CUL1: variants seen among roughly 807,000 people sequenced by gnomAD.
CUL1 encodes cullin-1.
A neutral mutation model predicts 118.0 loss-of-function variants in CUL1; 24 were observed. The ratio of observed to expected loss-of-function variants is 0.20; its 90% CI spans 0.15 to 0.29. The LOEUF (loss-of-function observed/expected upper bound fraction) is 0.29. CUL1 is among the 10% of genes least tolerant of loss of function. The pLI is 1.00. For missense variants in CUL1, 361 were observed against 933.8 expected (o/e 0.39, Z 7.99); for synonymous variants, 332 against 340.4 (o/e 0.98, Z 0.27).
chr7:148,712,981 C>A (rs530109254), intron 1 of CUL1, among the ~76,000 whole-genome samples: 29 of 152,286 alleles, frequency 1.9e-4, no homozygotes, highest in African/African-American at 6.5e-4. Flanking sequence ...CTGAGTAATA[C>A]TTAACCTTGT....
At chr7:148,724,391 C>T (rs1798492133) in intron 1 of CUL1, among the ~76,000 whole-genome samples, 1 of 152,110 alleles carries the variant, frequency 6.6e-6, no homozygotes, top group Admixed American at 6.5e-5. Context: ...TGTTGTGTTC[C>T]ATTATTTTCC....
chr7:148,728,262 A>G (rs765288947), intron 1 of CUL1, among the ~76,000 whole-genome samples: 6 of 152,080 alleles, frequency 3.9e-5, no homozygotes, highest in Non-Finnish European at 8.8e-5. Flanking sequence ...GCCAGAGTAG[A>G]ACTTTTTTTT....
chr7:148,699,191 CCGGGCCGGGGGACTCGTGGG>C (rs970508576), intron 1 of CUL1, among the ~76,000 whole-genome samples, 162 bp downstream of exon 1: 1 of 151,844 alleles, frequency 6.6e-6, no homozygotes, highest in Admixed American at 6.6e-5. Context: ...AGAATGGCGG[CCGGGCCGGGGGACTCGTGGG>C]CGGAGGACGC....
rs551024279 is a variant in CUL1, at chr7:148,698,944, T to C, written c.-247T>C. 6.5e-6 allele frequency: 1 copy of C among 153,570 alleles called. No homozygotes were observed. Among genetic ancestry groups the C allele is most frequent in the African/African-American group, 2.4e-5 (1 of 41,324 alleles). 9.5% of individuals were successfully genotyped at this position (153,570 alleles called of 1,614,324 possible). On this transcript the variant is annotated 5_prime_UTR_variant, in exon 1 of 22. Transcript: ENST00000325222. ...GTAGCTGAGGGACGCAGCTAGACCT[T>C]GGCGGGACGGGGCTTTCGCCGGGGC... is the stretch of plus-strand genomic sequence containing the variant.
chr7:148,727,189 C>T (rs868662046), intron 1 of CUL1, among the ~76,000 whole-genome samples: 3 of 152,128 alleles, frequency 2.0e-5, no homozygotes, highest in South Asian at 2.1e-4. Flanking sequence ...TTTCGTAAGC[C>T]TGTTTAAACA....
chr7:148,728,216 GAC>G (rs2129459551), intron 1 of CUL1, among the ~76,000 whole-genome samples: 1 of 152,226 alleles, frequency 6.6e-6, no homozygotes, highest in South Asian at 2.1e-4. Context: ...GCCACTCGCT[GAC>G]ACGGACAACA....
At chr7:148,764,476 C>T (rs1309548380) in intron 7 of CUL1, among the ~76,000 whole-genome samples, 1 of 152,226 alleles carries the variant, frequency 6.6e-6, no homozygotes, top group Non-Finnish European at 1.5e-5. Flanking sequence ...CCCCCTCAGC[C>T]CCTGCAGGAA....
chr7:148,709,197 C>G (rs1321322873), intron 1 of CUL1, among the ~76,000 whole-genome samples: 1 of 152,188 alleles, frequency 6.6e-6, no homozygotes, highest in East Asian at 1.9e-4. Flanking sequence ...GCCAAAAATG[C>G]AGAGGAGGAT....
intron 9 of CUL1, among the ~76,000 whole-genome samples, chr7:148,774,125 A>G (rs796436616): frequency 1.3e-5 from 2 of 152,316 alleles, no homozygotes; most frequent in African/African-American, 4.8e-5. Flanking sequence ...TAATTCTCAA[A>G]GTGTGTGCAA....
chr7:148,713,873 G>C (rs900221376), intron 1 of CUL1, among the ~76,000 whole-genome samples: 4 of 152,150 alleles, frequency 2.6e-5, no homozygotes, highest in Admixed American at 6.5e-5. Context: ...ACAGGTGTGT[G>C]CCACCACACC....
chr7:148,775,081 TA>T (rs914921067), intron 9 of CUL1, among the ~76,000 whole-genome samples: 5 of 152,212 alleles, frequency 3.3e-5, no homozygotes, highest in African/African-American at 1.2e-4. Context: ...GAAATAATTA[TA>T]AAAGCCCAGT....
chr7:148,706,495 A>G (rs1184692107), intron 1 of CUL1, among the ~76,000 whole-genome samples: 1 of 152,156 alleles, frequency 6.6e-6, no homozygotes, highest in Admixed American at 6.5e-5. Context: ...TGATGTGTTG[A>G]TGAAAGGCTA....
chr7:148,780,463 G>A (rs775718782), intron 9 of CUL1, among the ~76,000 whole-genome samples: 3 of 152,228 alleles, frequency 2.0e-5, no homozygotes, highest in East Asian at 1.9e-4. Flanking sequence ...TTCATGAGTC[G>A]GAAAGCAGGA....
At chr7:148,799,148 G>A in intron 20 of CUL1, 127 bp from the exon 21 acceptor site, 1 of 647,442 alleles carries the variant, frequency 1.5e-6, no homozygotes. Context: ...CAGGATGTTT[G>A]TTGCCTGTTA....
At chr7:148,753,846 C>T in intron 2 of CUL1, 130 bp from the exon 3 acceptor site, 1 of 649,396 alleles carries the variant, frequency 1.5e-6, no homozygotes, top group Non-Finnish European at 2.5e-6. Context: ...ATCTTTGTTC[C>T]ATTCTAGTTT....
intron 8 of CUL1, among the ~76,000 whole-genome samples, chr7:148,767,374 G>A (rs60744836): frequency 0.032 from 4,891 of 151,440 alleles, 269 homozygotes; most frequent in African/African-American, 0.11. Context: ...CTCACAGTAA[G>A]GGGGAAAATA....
intron 9 of CUL1, among the ~76,000 whole-genome samples, chr7:148,768,495 C>T (rs1800084885): frequency 6.7e-6 from 1 of 150,144 alleles, no homozygotes; most frequent in African/African-American, 2.5e-5. Context: ...AGTGATTCTC[C>T]TGCCTCAGCC....
At chr7:148,734,434 G>A (rs1406123834) in intron 2 of CUL1, among the ~76,000 whole-genome samples, 2 of 152,166 alleles carry the variant, frequency 1.3e-5, no homozygotes, top group East Asian at 1.9e-4. Flanking sequence ...TGTAGATACA[G>A]GGTTTCACCA....
At position 148,786,894 on chromosome 7, in the gene CUL1, A is replaced by G. The variant is rs571820653; in HGVS notation, c.1348-95A>G. 2.7e-6 allele frequency: 4 copies of G among 1,506,748 alleles called. No individual in the cohort carries two copies. The South Asian group carries it at 3.7e-5, about 14-fold the overall frequency. The allele number at this position is 1,506,748 out of a possible 1,614,324, so 93.3% of individuals were successfully genotyped here. A position where few individuals can be genotyped will look rare whatever the true frequency, so the allele number is the denominator to read the frequency against. ...CAGACCTGCCCAAAGCCAAAGGCACATCTTGGCTCCTGGCTTGTGGCCGGT... is the reference window on the plus strand; with the variant it reads ...CAGACCTGCCCAAAGCCAAAGGCACGTCTTGGCTCCTGGCTTGTGGCCGGT... On this transcript the variant is annotated intron_variant, in intron 12 of 21. Transcript: ENST00000325222.
Sources: gnomAD v4.1 joint callset for allele counts (sites outside exome capture counted in the v4.1 genomes callset) on GRCh38, gnomAD v4.1.1 for gene constraint, MANE v1.5 for transcripts, NCBI Gene and HGNC (gene_info 2026-07-23, HGNC 2026-07-21) for gene names.